Variants in VMA12 observed in about 807,000 individuals in gnomAD.
VMA12 encodes the protein vacuolar ATPase assembly factor VMA12.
At chr17:28,360,362 A>G in the VMA12 span, 1 of 627,308 alleles carries the variant, frequency 1.6e-6, no homozygotes, top group Non-Finnish European at 2.8e-6. Flanking sequence ...CTCTCTCCGA[A>G]ATGCCTGCTC....
At chr17:28,361,150 T>C in the VMA12 span, 1 of 1,613,962 alleles carries the variant, frequency 6.2e-7, no homozygotes, top group Non-Finnish European at 8.5e-7. Context: ...GTTCTCCCCA[T>C]CTCCAGCGGG....
chr17:28,360,287 C>G, the VMA12 span: 2 of 449,930 alleles, frequency 4.4e-6, no homozygotes, highest in Non-Finnish European at 4.1e-6. Context: ...ACAGGGCTCC[C>G]TACTACTCTA....
At chr17:28,358,185 C>T in the VMA12 span, 1 of 443,322 alleles carries the variant, frequency 2.3e-6, no homozygotes, top group Non-Finnish European at 4.2e-6. Context: ...GGTTTTGTCT[C>T]TTCTTTTTCT....
At chr17:28,358,252 C>T in the VMA12 span, 2 of 399,768 alleles carry the variant, frequency 5.0e-6, no homozygotes, top group Non-Finnish European at 1.0e-5. Context: ...TTTCTTTCCA[C>T]CTCAAAAGCA....
At chr17:28,361,615 C>G in the VMA12 span, 1 of 234,594 alleles carries the variant, frequency 4.3e-6, no homozygotes, top group Non-Finnish European at 8.5e-6. Flanking sequence ...ACCATACTGC[C>G]TTGAACTTGT....
the VMA12 span, chr17:28,361,449 A>G: frequency 1.7e-6 from 1 of 582,840 alleles, no homozygotes; most frequent in Non-Finnish European, 3.1e-6. Context: ...GGAGATTGAG[A>G]TAACACATCT....
chr17:28,359,328 T>C, the VMA12 span: 2 of 1,613,964 alleles, frequency 1.2e-6, no homozygotes, highest in African/African-American at 2.7e-5. Flanking sequence ...CCAGAACTAG[T>C]TGCCCGGCTG....
chr17:28,358,017 GC>G, the VMA12 span: 2 of 900,738 alleles, frequency 2.2e-6, no homozygotes, highest in Non-Finnish European at 3.3e-6. Context: ...AAATCCCAGG[GC>G]CACCCACTTT....
chr17:28,362,154 T>C, the VMA12 span: 1 of 152,230 alleles, frequency 6.6e-6, no homozygotes, highest in Non-Finnish European at 1.5e-5. Context: ...GGTACACTCT[T>C]TTTGGTTCAC....
chr17:28,361,154 C>T, the VMA12 span: 7 of 1,614,042 alleles, frequency 4.3e-6, no homozygotes, highest in Non-Finnish European at 5.9e-6. Flanking sequence ...TCCCCATCTC[C>T]AGCGGGTGCT....
At chr17:28,359,134 A>G in the VMA12 span, 3 of 964,134 alleles carry the variant, frequency 3.1e-6, no homozygotes, top group Non-Finnish European at 4.6e-6. Flanking sequence ...TGTCCTCCCC[A>G]TCAGCTGTTT....
chr17:28,358,485 AACATAG>A, the VMA12 span: 1 of 472,902 alleles, frequency 2.1e-6, no homozygotes, highest in Admixed American at 2.3e-5. Context: ...TGCCAGAAGT[AACATAG>A]ACCAGCCAGA....
the VMA12 span, chr17:28,359,372 T>C: frequency 1.9e-6 from 3 of 1,613,972 alleles, no homozygotes; most frequent in Non-Finnish European, 2.5e-6. Context: ...CAATGAGGAA[T>C]ATAAACGGAT....
At chr17:28,361,306 T>G in the VMA12 span, 1 of 1,547,172 alleles carries the variant, frequency 6.5e-7, no homozygotes, top group Non-Finnish European at 8.9e-7. Flanking sequence ...AGGCTCCAAT[T>G]GGCAGTCACC....
the VMA12 span, chr17:28,360,928 C>A: frequency 8.1e-7 from 1 of 1,240,200 alleles, no homozygotes; most frequent in Non-Finnish European, 1.2e-6. Flanking sequence ...AAGTGCCTTG[C>A]ACAGGTTAGG....
the VMA12 span, chr17:28,361,606 C>G: frequency 7.8e-6 from 2 of 257,646 alleles, no homozygotes; most frequent in Admixed American, 5.0e-5. Flanking sequence ...CAGAAGTAGA[C>G]CATACTGCCT....
the VMA12 span, among the ~76,000 whole-genome samples, chr17:28,359,964 TTTC>T: frequency 2.1e-4 from 32 of 151,990 alleles, no homozygotes; most frequent in South Asian, 4.1e-4. Context: ...GGAGGCTTTT[TTTC>T]TTCTTCTTTT....
chr17:28,360,682 C>T, the VMA12 span: 9 of 1,602,492 alleles, frequency 5.6e-6, no homozygotes, highest in Non-Finnish European at 7.7e-6. Flanking sequence ...GAGATAAGAG[C>T]ACCTCCTAGA....
chr17:28,362,250 T>A, the VMA12 span: 1 of 152,030 alleles, frequency 6.6e-6, no homozygotes, highest in Admixed American at 6.6e-5. Context: ...CAGTGGACAC[T>A]TCCTCTACAA....
Sources: gnomAD v4.1 joint callset for allele counts (sites outside exome capture counted in the v4.1 genomes callset) on GRCh38, gnomAD v4.1.1 for gene constraint, MANE v1.5 for transcripts, NCBI Gene and HGNC (gene_info 2026-07-23, HGNC 2026-07-21) for gene names.